Variants in OPCML observed in about 807,000 individuals in gnomAD.
OPCML encodes opioid-binding protein/cell adhesion molecule.
A neutral mutation model predicts 37.8 loss-of-function variants in OPCML; 13 were observed. That is an observed-to-expected ratio of 0.34 (90% CI 0.22 to 0.55). The LOEUF is 0.55. OPCML is among the 20% of genes least tolerant of loss of function. The pLI is 0.91. For missense variants in OPCML, 341 were observed against 435.6 expected, an observed-to-expected ratio of 0.78 and a Z score of 1.93; for synonymous variants, 176 against 168.8, an observed-to-expected ratio of 1.04 and a Z score of -0.33.
At chr11:133,106,812 C>T (rs1180756370) in intron 1 of OPCML, among the ~76,000 whole-genome samples, 2 of 152,204 alleles carry the variant, frequency 1.3e-5, no homozygotes, top group Non-Finnish European at 2.9e-5. Flanking sequence ...ACTTCAGAAG[C>T]ACAGCGCTTA....
chr11:133,150,930 C>CACAT (rs1308484168), intron 1 of OPCML, among the ~76,000 whole-genome samples: 1 of 151,984 alleles, frequency 6.6e-6, no homozygotes, highest in African/African-American at 2.4e-5. Flanking sequence ...CCTCCCCTGC[C>CACAT]CCGGAACCCT....
At chr11:133,417,754 G>A (rs758714507) in intron 1 of OPCML, among the ~76,000 whole-genome samples, 4 of 151,806 alleles carry the variant, frequency 2.6e-5, no homozygotes, top group East Asian at 3.9e-4. Flanking sequence ...TAGGAAATTC[G>A]GGAGGAGACC....
intron 3 of OPCML, among the ~76,000 whole-genome samples, chr11:132,636,328 C>A (rs542744405): frequency 6.6e-6 from 1 of 152,266 alleles, no homozygotes; most frequent in East Asian, 1.9e-4. Context: ...GGTAAACATA[C>A]CACTGTGCAT....
intron 1 of OPCML, among the ~76,000 whole-genome samples, chr11:132,948,097 C>T (rs934262076): frequency 6.6e-6 from 1 of 152,222 alleles, no homozygotes; most frequent in Non-Finnish European, 1.5e-5. Context: ...ACCTATCCCA[C>T]CTATGTTATA....
chr11:133,500,403 C>T (rs1397244182), intron 1 of OPCML, among the ~76,000 whole-genome samples: 7 of 152,190 alleles, frequency 4.6e-5, no homozygotes, highest in Admixed American at 4.6e-4. Context: ...AGCTTCTCTC[C>T]AGGCCATTAT....
intron 1 of OPCML, among the ~76,000 whole-genome samples, chr11:133,084,669 C>G (rs1165004745): frequency 6.6e-6 from 1 of 152,220 alleles, no homozygotes; most frequent in African/African-American, 2.4e-5. Context: ...TCAGAGAGGT[C>G]TGGCCCCAAG....
intron 1 of OPCML, among the ~76,000 whole-genome samples, chr11:133,057,551 G>A (rs1324024553): frequency 1.3e-5 from 2 of 152,170 alleles, no homozygotes; most frequent in Non-Finnish European, 2.9e-5. Flanking sequence ...GGAGGTGGAG[G>A]ACAGAGTTTG....
chr11:133,110,136 G>A (rs947731368), intron 1 of OPCML, among the ~76,000 whole-genome samples: 10 of 152,144 alleles, frequency 6.6e-5, no homozygotes, highest in Non-Finnish European at 1.5e-4. Flanking sequence ...AGTCCACTGT[G>A]GTAAGGTTGA....
chr11:133,439,107 G>A (rs1946303975), intron 1 of OPCML: 2 of 170,084 alleles, frequency 1.2e-5, no homozygotes, highest in South Asian at 3.9e-4. Flanking sequence ...AAGAGTCGCA[G>A]GAACCCTGAT....
intron 1 of OPCML, among the ~76,000 whole-genome samples, chr11:132,973,127 C>T (rs142082397): frequency 6.6e-6 from 1 of 152,264 alleles, no homozygotes; most frequent in East Asian, 1.9e-4. Flanking sequence ...CAACCTTTTT[C>T]TCCTCATCAA....
intron 2 of OPCML, among the ~76,000 whole-genome samples, chr11:132,678,910 C>T (rs769823644): frequency 3.3e-5 from 5 of 152,028 alleles, no homozygotes; most frequent in Non-Finnish European, 5.9e-5. Context: ...TTGTAGGTTC[C>T]TCAGCTGTAA....
At chr11:132,542,713 C>T (rs945976840) in intron 3 of OPCML, among the ~76,000 whole-genome samples, 1 of 152,194 alleles carries the variant, frequency 6.6e-6, no homozygotes, top group Non-Finnish European at 1.5e-5. Flanking sequence ...AGTAGCAATG[C>T]TGGGGCCCAG....
intron 1 of OPCML, among the ~76,000 whole-genome samples, chr11:133,291,609 T>A (rs1490564707): frequency 6.6e-6 from 1 of 152,150 alleles, no homozygotes; most frequent in Non-Finnish European, 1.5e-5. Context: ...CATTATTCCA[T>A]CTCCCCACAC....
intron 3 of OPCML, among the ~76,000 whole-genome samples, chr11:132,640,287 T>C (rs1276494984): frequency 3.3e-5 from 5 of 151,922 alleles, no homozygotes; most frequent in Non-Finnish European, 7.4e-5. Context: ...CGTGGCTTGG[T>C]AGGATGGAAG....
intron 1 of OPCML, among the ~76,000 whole-genome samples, chr11:133,142,060 T>C (rs1461304139): frequency 6.6e-6 from 1 of 152,178 alleles, no homozygotes; most frequent in East Asian, 1.9e-4. Context: ...CATCACAGAG[T>C]AGTTGATATG....
chr11:133,194,190 TTTCCCC>T (rs1205150532), intron 1 of OPCML, among the ~76,000 whole-genome samples: 3 of 149,066 alleles, frequency 2.0e-5, no homozygotes, highest in Admixed American at 6.8e-5. Context: ...TTCCCTTCCC[TTTCCCC>T]TTCCCCCACT....
intron 2 of OPCML, among the ~76,000 whole-genome samples, chr11:132,895,773 G>A (rs1462084774): frequency 6.6e-6 from 1 of 152,106 alleles, no homozygotes; most frequent in Non-Finnish European, 1.5e-5. Context: ...CAGTTGCCAA[G>A]CAAGACAATG....
At position 133,283,651 on chromosome 11, in the gene OPCML, A is replaced by G. The variant is rs150950676; in HGVS notation, c.61+248613T>C. Reference sequence around the variant, plus strand: ...ACATTCTAACTGTTCTTGGGGCCAGATGGGTTTGCCCTTTAGCACAGATCA... The same window carrying G: ...ACATTCTAACTGTTCTTGGGGCCAGGTGGGTTTGCCCTTTAGCACAGATCA... On this transcript the variant is annotated intron_variant, in intron 1 of 7. Transcript: ENST00000524381. Among the ~76,000 whole-genome samples, 220 of 152,326 alleles carry G rather than the reference A, an allele frequency of 1.4e-3. 5 individuals carry two copies. The highest frequency in any genetic ancestry group is 0.01 in the Middle Eastern group (3 of 294).
At chr11:132,809,528 T>C (rs1453577606) in intron 2 of OPCML, among the ~76,000 whole-genome samples, 1 of 152,190 alleles carries the variant, frequency 6.6e-6, no homozygotes, top group Non-Finnish European at 1.5e-5. Flanking sequence ...AGATTATAAA[T>C]CTTAACAACA....
Sources: allele counts gnomAD v4.1 joint callset (sites outside exome capture counted in the v4.1 genomes callset), GRCh38; gene constraint gnomAD v4.1.1; transcripts MANE v1.5; gene names NCBI Gene and HGNC (gene_info 2026-07-23, HGNC 2026-07-21).